Variants in AKAP3 observed in about 807,000 individuals in gnomAD.
AKAP3 encodes the protein A-kinase anchor protein 3.
Under a neutral mutation model 57.2 loss-of-function variants are expected in AKAP3, and 27 were observed. The observed-to-expected ratio is 0.47, with a 90% CI of 0.35 to 0.65. The LOEUF (loss-of-function observed/expected upper bound fraction) is 0.65, where lower values mean the gene tolerates loss of function less well. AKAP3 is among the 30% of genes least tolerant of loss of function. The probability of loss-of-function intolerance (pLI) is 0.01; values close to 1 mark genes in which losing one functional copy is unlikely to be tolerated. For synonymous variants in AKAP3, 334 were observed against 392.3 expected, an observed-to-expected ratio of 0.85 and a Z score of 1.76; for missense variants, 959 against 1,040.0, an observed-to-expected ratio of 0.92 and a Z score of 1.07.
chr12:4,646,362 C>T (rs960771943), intron 1 of AKAP3, among the ~76,000 whole-genome samples: 7 of 151,940 alleles, frequency 4.6e-5, no homozygotes, highest in Non-Finnish European at 8.8e-5. Flanking sequence ...TGGTTTATCA[C>T]AGGGTTCCTT....
At chr12:4,636,375 A>C (rs368937938) in intron 4 of AKAP3, among the ~76,000 whole-genome samples, 1 of 152,176 alleles carries the variant, frequency 6.6e-6, no homozygotes, top group African/African-American at 2.4e-5. Context: ...ACCCTCACCG[A>C]CATTTCTACT....
rs1945398218 is a variant in AKAP3 at position 4,625,246 on chromosome 12, T to C, written c.2406+1250A>G. Among the ~76,000 whole-genome samples the C allele has an allele frequency of 6.6e-6, 1 of 152,180 alleles. No individual in the cohort carries two copies. The highest frequency in any genetic ancestry group is 1.5e-5 in the Non-Finnish European group (1 of 68,024). ...TGTGCACACAACTCACCTGGGTATT[T>C]TGCTAAGATGAAGATTCTGATTCAG... On this transcript the variant is annotated intron_variant, in intron 5 of 5. Transcript: ENST00000228850. This position sits in a 1 kb window ranked among gnomAD's most constrained non-coding sequence, Gnocchi z 5.4.
At chr12:4,646,888 T>C (rs2137454790) in intron 1 of AKAP3, among the ~76,000 whole-genome samples, 1 of 152,172 alleles carries the variant, frequency 6.6e-6, no homozygotes, top group East Asian at 1.9e-4. Context: ...GTTCAAGTGA[T>C]TCTTGTGCCT....
chr12:4,615,523 T>C lies in AKAP3; in HGVS notation c.*216A>G, dbSNP rs1945273527. The C allele has an allele frequency of 1.0e-5, 5 of 496,884 alleles. No individual in the cohort carries two copies. Among genetic ancestry groups the C allele is most frequent in the East Asian group, 3.4e-5 (1 of 29,050 alleles). 30.8% of individuals were successfully genotyped at this position (496,884 alleles called of 1,614,324 possible). ...AAACAAAACATGTGGAGCCCTTTAA[T>C]TGTAATTTTTTAATTTTACGTCCTT... On this transcript the variant is annotated 3_prime_UTR_variant, in exon 6 of 6. Transcript: ENST00000228850.
chr12:4,629,483 T>C (rs1945470495), intron 4 of AKAP3, among the ~76,000 whole-genome samples: 1 of 151,364 alleles, frequency 6.6e-6, no homozygotes, highest in Non-Finnish European at 1.5e-5. Flanking sequence ...TTTTGGAGAG[T>C]GGAGGTAGGG....
chr12:4,636,169 A>T (rs1040239184), intron 4 of AKAP3: 10 of 615,696 alleles, frequency 1.6e-5, no homozygotes, highest in Non-Finnish European at 2.9e-5. Flanking sequence ...CCATGTTCAC[A>T]TTTGAAATAA....
intron 1 of AKAP3, among the ~76,000 whole-genome samples, chr12:4,646,851 C>T (rs113943622): frequency 0.42 from 64,223 of 151,648 alleles, 15,817 homozygotes; most frequent in Admixed American, 0.55. Flanking sequence ...GGCACGATCT[C>T]GGCTCACTGC....
rs772438163 is a variant in AKAP3 at position 4,627,697 on chromosome 12, T to C, written c.1205A>G (p.Glu402Gly). 1 of 1,614,140 alleles carries C rather than the reference T, an allele frequency of 6.2e-7. No homozygotes were observed. Among genetic ancestry groups the C allele is most frequent in the Non-Finnish European group, 8.5e-7 (1 of 1,180,034 alleles). ...TTTCATGGAGATGAGGGAATAACTC[T>C]CAGCCTTGTCTTGGGCTTTCCTGAC... Reference protein sequence around the residue: ...EHVRKAQDKAESYSLISMKGM... With the variant: ...EHVRKAQDKAGSYSLISMKGM... Residue 402 changes from glutamate to glycine, a missense_variant, in exon 5 of 6, where the codon GAG (glutamate) becomes GGG (glycine). Transcript: ENST00000228850.
In AKAP3 at chr12:4,625,691, A is replaced by G. The variant is rs1457213349; in HGVS notation, c.2406+805T>C. 1.1e-5 allele frequency among the ~76,000 whole-genome samples: 1 copy of G among 92,328 alleles called. No individual in the cohort carries two copies. Among genetic ancestry groups the G allele is most frequent in the Non-Finnish European group, 2.3e-5 (1 of 43,542 alleles). The allele number at this position is 92,328 out of a possible 152,430, so 60.6% of individuals were successfully genotyped here. ...AATCAAAAGCACTGAGGAAGAGAAA[A>G]TGAGAGAGAGAGAGAGAGAGAGAGA... On this transcript the variant is annotated intron_variant, in intron 5 of 5. Coordinates refer to ENST00000228850, the MANE Select transcript of AKAP3 (RefSeq NM_001278309.2). The surrounding 1 kb of genome is among the most constrained non-coding windows in gnomAD (Gnocchi z 5.4).
intron 4 of AKAP3, among the ~76,000 whole-genome samples, chr12:4,633,440 TC>T (rs1275029259): frequency 6.6e-6 from 1 of 152,144 alleles, no homozygotes; most frequent in East Asian, 1.9e-4. Flanking sequence ...TGTCTATTAC[TC>T]CCCTCTATCC....
At chr12:4,640,040 T>C (rs1344875674) in intron 3 of AKAP3, among the ~76,000 whole-genome samples, 2 of 152,046 alleles carry the variant, frequency 1.3e-5, no homozygotes, top group Admixed American at 1.3e-4. Context: ...ATGGTCTTGA[T>C]CTCCTGACCT....
rs766653447 is a variant in AKAP3 at position 4,626,750 on chromosome 12, A to C, written c.2152T>G (p.Leu718Val). 6.2e-7 allele frequency: 1 copy of C among 1,614,184 alleles called. No individual in the cohort carries two copies. Among genetic ancestry groups the C allele is most frequent in the Non-Finnish European group, 8.5e-7 (1 of 1,180,014 alleles). Residue 718 changes from leucine (L) to valine (V), a missense_variant, in exon 5 of 6, where the codon TTA becomes GTA. By Grantham distance (32) the Leu-to-Val change is conservative (BLOSUM62 1). Coordinates refer to ENST00000228850, the MANE Select transcript of AKAP3 (RefSeq NM_001278309.2). ...GCTGACCCTGTGCCCTTGGCTGGTA[A>C]GCACTCATATAAACTATCTGGGAAG... ...SAFPDSLYEC[L>V]PAKGTGSAEA...
intron 1 of AKAP3, among the ~76,000 whole-genome samples, chr12:4,647,197 T>C (rs897808072): frequency 6.6e-6 from 1 of 152,168 alleles, no homozygotes; most frequent in Non-Finnish European, 1.5e-5. Flanking sequence ...GACCTACATA[T>C]AGCACTTTAC....
At chr12:4,640,006 C>T (rs1474521447) in intron 3 of AKAP3, among the ~76,000 whole-genome samples, 4 of 151,976 alleles carry the variant, frequency 2.6e-5, no homozygotes, top group Admixed American at 1.3e-4. Context: ...TTAGTAGAGA[C>T]GGGGTTTCAC....
intron 3 of AKAP3, among the ~76,000 whole-genome samples, chr12:4,639,427 T>G (rs1945607678): frequency 6.6e-6 from 1 of 152,172 alleles, no homozygotes; most frequent in South Asian, 2.1e-4. Context: ...ATTTAATTTT[T>G]TCTTTTTTAA....
chr12:4,625,250 T>C lies in AKAP3; in HGVS notation c.2406+1246A>G, dbSNP rs1172232621. On this transcript the variant is annotated intron_variant, in intron 5 of 5. Coordinates refer to ENST00000228850, the MANE Select transcript of AKAP3 (RefSeq NM_001278309.2). The surrounding 1 kb of genome is among the most constrained non-coding windows in gnomAD (Gnocchi z 5.4). ...CACACAACTCACCTGGGTATTTTGC[T>C]AAGATGAAGATTCTGATTCAGTAGG... Among the ~76,000 whole-genome samples the C allele has an allele frequency of 2.0e-5, 3 of 152,220 alleles. No individual in the cohort carries two copies. The South Asian group carries it at 6.2e-4, about 32-fold the overall frequency.
rs532862833 is a variant in AKAP3 at position 4,626,989 on chromosome 12, G to T, written c.1913C>A (p.Pro638His). Residue 638 changes from proline to histidine, a missense_variant, in exon 5 of 6, where the codon CCC (proline) becomes CAC (histidine). Coordinates refer to ENST00000228850, the MANE Select transcript of AKAP3 (RefSeq NM_001278309.2). Reference protein sequence around the residue: ...LCERPLASSPPRLYEDDETPG... With the variant: ...LCERPLASSPHRLYEDDETPG... ...GGTCTCATCATCCTCATATAGCCTG[G>T]GGGGAGAAGACGCCAACGGTCTTTC... 3 of 1,613,952 alleles carry T rather than the reference G, an allele frequency of 1.9e-6. No individual in the cohort carries two copies. The highest frequency in any genetic ancestry group is 3.3e-5 in the Admixed American group (2 of 59,984).
At chr12:4,639,722 C>T (rs1165605870) in intron 3 of AKAP3, among the ~76,000 whole-genome samples, 1 of 151,942 alleles carries the variant, frequency 6.6e-6, no homozygotes, top group Admixed American at 6.6e-5. Flanking sequence ...TGATGGTTTC[C>T]AGCTTCATCC....
chr12:4,630,531 A>G (rs1254571540), intron 4 of AKAP3, among the ~76,000 whole-genome samples: 1 of 152,240 alleles, frequency 6.6e-6, no homozygotes, highest in Non-Finnish European at 1.5e-5. Flanking sequence ...GTGGCTTGTT[A>G]TCATGTCGGA....
Sources: allele counts gnomAD v4.1 joint callset (sites outside exome capture counted in the v4.1 genomes callset), GRCh38; gene constraint gnomAD v4.1.1; non-coding constraint Gnocchi (gnomAD v3.1); transcripts MANE v1.5; gene names NCBI Gene and HGNC (gene_info 2026-07-23, HGNC 2026-07-21).